AASDH: variants seen among roughly 807,000 people sequenced by gnomAD.
The protein encoded by AASDH is aminoadipate-semialdehyde dehydrogenase.
In AASDH, 81 loss-of-function variants were observed where a neutral mutation model predicts 102.3. The ratio of observed to expected loss-of-function variants is 0.79; its 90% confidence interval spans 0.66 to 0.95. The LOEUF (loss-of-function observed/expected upper bound fraction) is 0.95, where lower values mean the gene tolerates loss of function less well. AASDH is among the 40% of genes least tolerant of loss of function. The probability of loss-of-function intolerance (pLI) is 0.00; values close to 1 mark genes in which losing one functional copy is unlikely to be tolerated. For synonymous variants in AASDH, 398 were observed against 454.0 expected (o/e 0.88, Z 1.57); for missense variants, 1,203 against 1,266.2 (o/e 0.95, Z 0.76).
At chr4:56,371,686 C>G (rs1207800969) in intron 4 of AASDH, 43 bp from the exon 5 acceptor site, 1 of 1,517,240 alleles carries the variant, frequency 6.6e-7, no homozygotes, top group East Asian at 2.3e-5. Context: ...GTCAAACATT[C>G]AGTAAGCACA....
At chr4:56,355,131 C>T in intron 6 of AASDH, 51 bp downstream of exon 6, 1 of 1,561,144 alleles carries the variant, frequency 6.4e-7, no homozygotes, top group South Asian at 1.2e-5. Flanking sequence ...GTGTTAAGAT[C>T]CTAGAAATAT....
At position 56,349,649 on chromosome 4, in the gene AASDH, T is replaced by G; in HGVS notation, c.2102A>C (p.His701Pro). Residue 701 changes from histidine (H) to proline (P), a missense_variant, in exon 11 of 15, where the codon CAT becomes CCT. By Grantham distance (77) the His-to-Pro change is moderately conservative (BLOSUM62 -2). Coordinates refer to ENST00000205214, the MANE Select transcript of AASDH (RefSeq NM_181806.4). Reference protein sequence around the residue: ...NSTRFLTKLGHCSSACPSDSV... With the variant: ...NSTRFLTKLGPCSSACPSDSV... ...GTCAGAAGGACAGGCTGAAGAGCAA[T>G]GTCCTAACTTTGTTAAAAACCTAGT... 1 of 1,614,214 alleles carries G rather than the reference T, an allele frequency of 6.2e-7. No individual in the cohort carries two copies. Among genetic ancestry groups the G allele is most frequent in the East Asian group, 2.2e-5 (1 of 44,890 alleles).
At chr4:56,372,129 G>A (rs574657012) in intron 4 of AASDH, among the ~76,000 whole-genome samples, 36 of 152,320 alleles carry the variant, frequency 2.4e-4, no homozygotes, top group Non-Finnish European at 5.0e-4. Flanking sequence ...TACTTGGAAG[G>A]CCTTTAGAAG....
At chr4:56,362,131 A>G (rs1750371209) in intron 5 of AASDH, among the ~76,000 whole-genome samples, 1 of 152,226 alleles carries the variant, frequency 6.6e-6, no homozygotes, top group Non-Finnish European at 1.5e-5. Flanking sequence ...CAAATAAAAG[A>G]GGTCTTTAAT....
intron 9 of AASDH, 23 bp downstream of exon 9, chr4:56,353,381 A>G (rs1214791681): frequency 6.4e-7 from 1 of 1,557,870 alleles, no homozygotes; most frequent in African/African-American, 1.4e-5. Context: ...GCACTGAAAC[A>G]TATCTGCTTT....
chr4:56,338,361 A>G lies in AASDH; in HGVS notation c.*41T>C, dbSNP rs764139667. 7.6e-6 allele frequency: 12 copies of G among 1,576,546 alleles called. 1 individual carries two copies. In the East Asian group the frequency reaches 1.8e-4, roughly 23 times the overall value. On this transcript the variant is annotated 3_prime_UTR_variant, in exon 15 of 15. Transcript: ENST00000205214. ...TGATGTATAATGGTAAAATATTTTCAAATATCTCACATTTGTTATACAAAT... is the reference window on the plus strand; with the variant it reads ...TGATGTATAATGGTAAAATATTTTCGAATATCTCACATTTGTTATACAAAT...
At chr4:56,346,415 G>A (rs1748334465) in intron 11 of AASDH, among the ~76,000 whole-genome samples, 1 of 152,062 alleles carries the variant, frequency 6.6e-6, no homozygotes, top group Admixed American at 6.6e-5. Context: ...TGTCAATTCA[G>A]TTTAATTCCA....
Position 56,338,496 on chromosome 4 carries a change from A to T in AASDH, c.3203T>A (p.Phe1068Tyr). 6.2e-7 allele frequency: 1 copy of T among 1,613,888 alleles called. No individual in the cohort carries two copies. The highest frequency in any genetic ancestry group is 2.2e-5 in the East Asian group (1 of 44,866). The change falls in exon 15 of 15, where the codon TTC becomes TAC. Residue 1068 changes from phenylalanine (F) to tyrosine (Y), a missense_variant. Transcript: ENST00000205214. Reference sequence around the variant, plus strand: ...TGATTCCAGGACCACAGGAGAAGAGAAGACTTCTCCAGGAAGTTCATAAAC... The same window carrying T: ...TGATTCCAGGACCACAGGAGAAGAGTAGACTTCTCCAGGAAGTTCATAAAC... ...QSVYELPGEV[F>Y]SSPVVLESML...
In AASDH at chr4:56,368,402, A is replaced by G. The variant is rs189624199; in HGVS notation, c.861+3049T>C. ...CCAAAGGATTATAAATCATGCTGCT[A>G]TAAAGACACATGCGCACATATGTTT... On this transcript the variant is annotated intron_variant, in intron 5 of 14. Coordinates refer to ENST00000205214, the MANE Select transcript of AASDH (RefSeq NM_181806.4). 1.8e-3 allele frequency among the ~76,000 whole-genome samples: 276 copies of G among 152,276 alleles called. 1 individual carries two copies. The highest frequency in any genetic ancestry group is 6.0e-3 in the South Asian group (29 of 4,826).
At chr4:56,356,350 G>A (rs1435342399) in intron 5 of AASDH, 7 of 1,579,524 alleles carry the variant, frequency 4.4e-6, no homozygotes, top group Middle Eastern at 4.0e-4. Context: ...CTCAATAAGC[G>A]GCTGAAAGTG....
At chr4:56,361,609 G>A (rs1276759542) in intron 5 of AASDH, among the ~76,000 whole-genome samples, 1 of 152,052 alleles carries the variant, frequency 6.6e-6, no homozygotes, top group Non-Finnish European at 1.5e-5. Flanking sequence ...GAAAAACTCA[G>A]GAAAAATGGA....
Position 56,338,551 on chromosome 4 carries a change from A to C in AASDH, c.3148T>G (p.Leu1050Val), listed in dbSNP as rs200447629. Residue 1050 changes from leucine to valine, a missense_variant, in exon 15 of 15, where the codon TTG becomes GTG. By Grantham distance (32) the Leu-to-Val change is conservative (BLOSUM62 1). Transcript: ENST00000205214. The part of the protein sequence containing the change: ...AASTDGKVWI[L>V]ESQSGQLQSV... Reference sequence around the variant, plus strand: ...TGCAATTGTCCACTCTGAGATTCCAAGATCCACACTTTCCCATCAGTAGAT... The same window carrying C: ...TGCAATTGTCCACTCTGAGATTCCACGATCCACACTTTCCCATCAGTAGAT... The C allele has an allele frequency of 6.2e-7, 1 of 1,613,802 alleles. No individual in the cohort carries two copies. Among genetic ancestry groups the C allele is most frequent in the Non-Finnish European group, 8.5e-7 (1 of 1,179,994 alleles).
chr4:56,381,508 G>A (rs777991804), intron 3 of AASDH, among the ~76,000 whole-genome samples: 4 of 151,900 alleles, frequency 2.6e-5, no homozygotes, highest in Admixed American at 6.6e-5. Flanking sequence ...AACCTGGGAG[G>A]CGGAGGTTGC....
At chr4:56,359,587 C>A (rs1312788966) in intron 5 of AASDH, among the ~76,000 whole-genome samples, 2 of 137,002 alleles carry the variant, frequency 1.5e-5, no homozygotes, top group African/African-American at 5.5e-5. Context: ...GAGACAGAGT[C>A]TCACTCTGTC....
intron 3 of AASDH, 90 bp downstream of exon 3, chr4:56,382,387 G>A: frequency 1.8e-5 from 23 of 1,298,700 alleles, no homozygotes; most frequent in Non-Finnish European, 2.2e-5. Context: ...ACATTTAGCA[G>A]ACTTAGGAAT....
chr4:56,381,235 G>A (rs1443029134), intron 3 of AASDH, among the ~76,000 whole-genome samples: 1 of 152,118 alleles, frequency 6.6e-6, no homozygotes, highest in Non-Finnish European at 1.5e-5. Context: ...GAGGAGTAGA[G>A]GAAATTTCGG....
In AASDH at chr4:56,353,492, G is replaced by A. The variant is rs1481432974; in HGVS notation, c.1488C>T (p.Tyr496=). Residue 496 remains tyrosine, a synonymous_variant, in exon 9 of 15, where the codon TAC becomes TAT. Coordinates refer to ENST00000205214, the MANE Select transcript of AASDH (RefSeq NM_181806.4). ...MVSKDASVKE[Y]IFKELQKYLP... ...GATATTTCTGCAGTTCTTTAAAGAT[G>A]TATTCTTTTACTGAAGCATCTTTAG... 1.9e-6 allele frequency: 3 copies of A among 1,613,612 alleles called. No individual in the cohort carries two copies. The highest frequency in any genetic ancestry group is 1.1e-5 in the South Asian group (1 of 91,074).
intron 5 of AASDH, 104 bp downstream of exon 5, chr4:56,371,344 GATT>G: frequency 8.4e-7 from 1 of 1,184,560 alleles, no homozygotes; most frequent in East Asian, 2.7e-5. Flanking sequence ...AATCTAACCA[GATT>G]ATATTAATCC....
chr4:56,348,403 T>C (rs1183571009), intron 11 of AASDH, among the ~76,000 whole-genome samples: 1 of 152,044 alleles, frequency 6.6e-6, no homozygotes, highest in Non-Finnish European at 1.5e-5. Flanking sequence ...TACAGGCATG[T>C]ACTACCATGC....
Sources: gnomAD v4.1 joint callset for allele counts (sites outside exome capture counted in the v4.1 genomes callset) on GRCh38, gnomAD v4.1.1 for gene constraint, MANE v1.5 for transcripts, NCBI Gene and HGNC (gene_info 2026-07-23, HGNC 2026-07-21) for gene names.